Variants in NXNL2 observed in about 807,000 individuals in gnomAD.
NXNL2 encodes the protein nucleoredoxin-like protein 2.
A neutral mutation model predicts 11.1 loss-of-function variants in NXNL2; 7 were observed. That is an observed-to-expected ratio of 0.63 (90% CI 0.36 to 1.18). The LOEUF (loss-of-function observed/expected upper bound fraction) is 1.18, where lower values mean the gene tolerates loss of function less well. NXNL2 is among the 50% of genes most tolerant of loss of function. NXNL2 has a pLI of 0.02. For synonymous variants in NXNL2, 109 were observed against 101.8 expected (o/e 1.07, Z -0.42); for missense variants, 233 against 217.7 (o/e 1.07, Z -0.44).
chr9:88,568,036 G>T (rs1189385678), intron 1 of NXNL2, among the ~76,000 whole-genome samples: 2 of 152,194 alleles, frequency 1.3e-5, no homozygotes, highest in Non-Finnish European at 2.9e-5. Flanking sequence ...TGTTCTTACT[G>T]TGTGACCACA....
chr9:88,582,916 C>T (rs546741281), intron 1 of NXNL2, among the ~76,000 whole-genome samples: 1 of 152,218 alleles, frequency 6.6e-6, no homozygotes, highest in African/African-American at 2.4e-5. Flanking sequence ...GATCCTCCCG[C>T]CTTGGCCTCC....
At chr9:88,569,217 C>T (rs1830224306) in intron 1 of NXNL2, among the ~76,000 whole-genome samples, 1 of 152,238 alleles carries the variant, frequency 6.6e-6, no homozygotes, top group Non-Finnish European at 1.5e-5. Flanking sequence ...AGGCGTAAGC[C>T]ACCATGCCTG....
intron 1 of NXNL2, among the ~76,000 whole-genome samples, chr9:88,563,874 T>A (rs1830124306): frequency 6.6e-6 from 1 of 151,988 alleles, no homozygotes; most frequent in Non-Finnish European, 1.5e-5. Flanking sequence ...ACCCTCCCAT[T>A]CAAAAATGGC....
rs1161846485 is a variant in NXNL2 at position 88,535,551 on chromosome 9, G to T, written c.117G>T (p.Ala39=). The change falls in exon 1 of 2, where the codon GCG becomes GCT. Residue 39 remains alanine (A), a synonymous_variant. Coordinates refer to ENST00000375854, the MANE Select transcript of NXNL2 (RefSeq NM_001161625.2). ...VALYFAAARC[A]PSRDFTPLLC... ...TGTACTTCGCGGCGGCCCGGTGCGC[G>T]CCGAGCCGCGACTTCACGCCGCTGC... is the stretch of plus-strand genomic sequence containing the variant. The T allele has an allele frequency of 6.2e-7, 1 of 1,603,810 alleles. No individual in the cohort carries two copies. The highest frequency in any genetic ancestry group is 1.1e-5 in the South Asian group (1 of 90,550).
Position 88,535,298 on chromosome 9 carries a change from C to A in NXNL2, c.-137C>A. ...AGGCCTGGCCAAGGTGTGGGCGCAT[C>A]TGGGGCAGGTCTTGAGAGGTCCAGC... On this transcript the variant is annotated 5_prime_UTR_variant, in exon 1 of 2. The change creates a new upstream start codon in the 5' untranslated region. Transcript: ENST00000375854. 1 of 810,516 alleles carries A rather than the reference C, an allele frequency of 1.2e-6. No homozygotes were observed. The highest frequency in any genetic ancestry group is 1.9e-6 in the Non-Finnish European group (1 of 535,110). 50.2% of individuals were successfully genotyped at this position (810,516 alleles called of 1,614,324 possible). A position where few individuals can be genotyped will look rare whatever the true frequency, so the allele number is the denominator to read the frequency against.
chr9:88,535,412 T>C lies in NXNL2; in HGVS notation c.-23T>C. ...ATCCTCCTGCAGGTGTCCTCGGGTC[T>C]CAGGTGGCTGCGTGTCTGCGCCATG... On this transcript the variant is annotated 5_prime_UTR_variant, in exon 1 of 2. Coordinates refer to ENST00000375854, the MANE Select transcript of NXNL2 (RefSeq NM_001161625.2). 1 of 1,570,140 alleles carries C rather than the reference T, an allele frequency of 6.4e-7. No individual in the cohort carries two copies.
chr9:88,576,116 G>A (rs2118549580), downstream of NXNL2, among the ~76,000 whole-genome samples: 1 of 152,310 alleles, frequency 6.6e-6, no homozygotes, highest in East Asian at 1.9e-4. Context: ...AATTGCTTGA[G>A]CCCAGGAGAC....
intron 1 of NXNL2, among the ~76,000 whole-genome samples, chr9:88,564,139 A>C (rs1830128721): frequency 6.6e-6 from 1 of 151,116 alleles, no homozygotes; most frequent in South Asian, 2.1e-4. Context: ...TGAACCTGGG[A>C]GGCAGAGGTT....
At chr9:88,566,675 T>C (rs1414558498) in intron 1 of NXNL2, among the ~76,000 whole-genome samples, 2 of 152,216 alleles carry the variant, frequency 1.3e-5, no homozygotes, top group Non-Finnish European at 2.9e-5. Flanking sequence ...CATTTTGAGT[T>C]GATTTTTGTG....
At chr9:88,580,505 G>A (rs915074942), downstream of NXNL2, among the ~76,000 whole-genome samples, 1 of 152,084 alleles carries the variant, frequency 6.6e-6, no homozygotes, top group Non-Finnish European at 1.5e-5. Context: ...AGTGGTGGGA[G>A]CTTCTCTCTT....
In NXNL2 at chr9:88,544,777, C is replaced by T; in HGVS notation, c.*230C>T. ...AGTTATTTTTGTTATTCTTTGCATA[C>T]CTTTATCCACCTGTGCTTAAGGAAG... On this transcript the variant is annotated 3_prime_UTR_variant, in exon 2 of 2. Transcript: ENST00000375854. 2 of 1,262,496 alleles carry T rather than the reference C, an allele frequency of 1.6e-6. No individual in the cohort carries two copies. The highest frequency in any genetic ancestry group is 2.0e-6 in the Non-Finnish European group (2 of 1,005,678). The allele number at this position is 1,262,496 out of a possible 1,614,324, so 78.2% of individuals were successfully genotyped here.
chr9:88,541,345 C>T (rs1355747326), intron 1 of NXNL2, among the ~76,000 whole-genome samples: 9 of 149,928 alleles, frequency 6.0e-5, no homozygotes, highest in East Asian at 4.0e-4. Context: ...CCTGCAACCT[C>T]AAACTCCTGG....
chr9:88,573,737 TACC>T (rs1199809001), intron 2 of NXNL2, among the ~76,000 whole-genome samples: 1 of 152,204 alleles, frequency 6.6e-6, no homozygotes. Flanking sequence ...CAGATATACT[TACC>T]ACTGCTGAAC....
intron 1 of NXNL2, among the ~76,000 whole-genome samples, chr9:88,560,231 T>C (rs574051821): frequency 6.6e-6 from 1 of 152,008 alleles, no homozygotes; most frequent in African/African-American, 2.4e-5. Context: ...GATGCATCTT[T>C]CTGCCAGCGG....
chr9:88,555,840 A>C (rs1392384701), intron 1 of NXNL2, among the ~76,000 whole-genome samples: 1 of 151,538 alleles, frequency 6.6e-6, no homozygotes, highest in Non-Finnish European at 1.5e-5. Context: ...AGCCAGGTGC[A>C]GAGCGGCAAA....
intron 1 of NXNL2, among the ~76,000 whole-genome samples, chr9:88,581,111 T>C (rs1830404192): frequency 6.6e-6 from 1 of 152,198 alleles, no homozygotes; most frequent in Non-Finnish European, 1.5e-5. Context: ...CAGTTGCTAT[T>C]TTTCCCTATG....
At chr9:88,543,942 G>A (rs1829808802) in intron 1 of NXNL2, among the ~76,000 whole-genome samples, 2 of 152,206 alleles carry the variant, frequency 1.3e-5, no homozygotes, top group Admixed American at 6.5e-5. Flanking sequence ...GGCCAAGGCG[G>A]GCAGATCACT....
exon 2 of NXNL2, chr9:88,571,132 C>T (rs1027878240): frequency 2.6e-6 from 1 of 385,252 alleles, no homozygotes; most frequent in Non-Finnish European, 5.0e-6. Flanking sequence ...GTGGCGTGAT[C>T]TTAGCTCACT....
chr9:88,569,978 G>A (rs1216479463), intron 1 of NXNL2, among the ~76,000 whole-genome samples: 1 of 151,930 alleles, frequency 6.6e-6, no homozygotes, highest in Non-Finnish European at 1.5e-5. Context: ...TCTGCAGGGC[G>A]CCTCATGTCT....
Sources: gnomAD v4.1 joint callset for allele counts (sites outside exome capture counted in the v4.1 genomes callset) on GRCh38, gnomAD v4.1.1 for gene constraint, MANE v1.5 for transcripts, NCBI Gene and HGNC (gene_info 2026-07-23, HGNC 2026-07-21) for gene names.